PDE4B: variants seen among roughly 807,000 people sequenced by gnomAD.
The protein encoded by PDE4B is phosphodiesterase 4B, also known as 3',5'-cyclic-AMP phosphodiesterase 4B.
In PDE4B, 20 loss-of-function variants were observed where a neutral mutation model predicts 82.2. That is an observed-to-expected ratio of 0.24 (90% CI 0.17 to 0.35). PDE4B has a LOEUF of 0.35. Among genes scored for constraint, PDE4B ranks in the 10% least tolerant of loss-of-function variants. PDE4B has a pLI of 1.00. For synonymous variants in PDE4B, 320 were observed against 318.9 expected, an observed-to-expected ratio of 1.00 and a Z score of -0.04; for missense variants, 655 against 907.2, an observed-to-expected ratio of 0.72 and a Z score of 3.57.
chr1:66,189,499 T>A (rs1266433225), intron 3 of PDE4B, among the ~76,000 whole-genome samples: 1 of 152,244 alleles, frequency 6.6e-6, no homozygotes, highest in Non-Finnish European at 1.5e-5. Flanking sequence ...CCTTTTCACA[T>A]AGTCCCATAT....
chr1:65,924,395 T>A (rs907650939), intron 3 of PDE4B, among the ~76,000 whole-genome samples: 3 of 152,098 alleles, frequency 2.0e-5, no homozygotes, highest in Non-Finnish European at 4.4e-5. Flanking sequence ...TTTCAAACTA[T>A]GTCTCATTTG....
At chr1:66,346,831 C>T (rs1428203551) in intron 8 of PDE4B, among the ~76,000 whole-genome samples, 1 of 152,014 alleles carries the variant, frequency 6.6e-6, no homozygotes, top group Admixed American at 6.6e-5. Flanking sequence ...AGTACAAATC[C>T]TGTGGAAGAA....
At chr1:66,110,793 A>G (rs1046716064) in intron 3 of PDE4B, among the ~76,000 whole-genome samples, 1 of 152,084 alleles carries the variant, frequency 6.6e-6, no homozygotes, top group Non-Finnish European at 1.5e-5. Flanking sequence ...AATATCAGTT[A>G]TTTCTACTAC....
chr1:65,902,788 T>A (rs1407563232), intron 1 of PDE4B, among the ~76,000 whole-genome samples: 1 of 152,160 alleles, frequency 6.6e-6, no homozygotes, highest in Non-Finnish European at 1.5e-5. Flanking sequence ...TAAATAAGAT[T>A]TTGGTGGGTG....
intron 3 of PDE4B, among the ~76,000 whole-genome samples, chr1:66,067,733 T>A (rs546869287): frequency 3.0e-4 from 46 of 152,212 alleles, no homozygotes; most frequent in Non-Finnish European, 4.9e-4. Flanking sequence ...TTGCCATTGC[T>A]TTTGGTGTTT....
rs550795421 is a variant in PDE4B at position 66,133,627 on chromosome 1, C to G, written c.282-113833C>G. ...ATAAGAAGTCTGTTGTTTCTATCCT[C>G]ATAGCTTCTTTAGGTTTACTATAAC... On this transcript the variant is annotated intron_variant, in intron 3 of 16. Transcript: ENST00000341517. Among the ~76,000 whole-genome samples, 6 of 152,318 alleles carry G rather than the reference C, an allele frequency of 3.9e-5. No individual in the cohort carries two copies. In the South Asian group the frequency reaches 1.0e-3, roughly 26 times the overall value.
intron 8 of PDE4B, among the ~76,000 whole-genome samples, chr1:66,349,150 A>T (rs1344870929): frequency 6.6e-6 from 1 of 152,108 alleles, no homozygotes; most frequent in Non-Finnish European, 1.5e-5. Context: ...CTATATTCAA[A>T]TTTGTTTGAT....
intron 3 of PDE4B, among the ~76,000 whole-genome samples, chr1:66,147,730 TG>T (rs1251375075): frequency 6.6e-6 from 1 of 152,190 alleles, no homozygotes; most frequent in East Asian, 1.9e-4. Context: ...TTCTGCTTCT[TG>T]GAGCTCCACT....
At position 66,247,522 on chromosome 1, in the gene PDE4B, C is replaced by T. The variant is rs765065185; in HGVS notation, c.344C>T (p.Ser115Phe). The change falls in exon 4 of 17, where the codon TCC becomes TTC. Residue 115 changes from serine (S) to phenylalanine (F), a missense_variant. Coordinates refer to ENST00000341517, the MANE Select transcript of PDE4B (RefSeq NM_002600.4). ...RSPLDPQASS[S>F]AGLVLHATFP... ...CCACTGGATCCCCAGGCCAGCTCTTCCGCTGGGCTGGTACTTCACGCCACC... is the reference window on the plus strand; with the variant it reads ...CCACTGGATCCCCAGGCCAGCTCTTTCGCTGGGCTGGTACTTCACGCCACC... The T allele has an allele frequency of 6.2e-7, 1 of 1,611,926 alleles. No homozygotes were observed. Among genetic ancestry groups the T allele is most frequent in the South Asian group, 1.1e-5 (1 of 90,868 alleles).
chr1:65,913,533 A>G (rs1052729218), intron 2 of PDE4B, among the ~76,000 whole-genome samples, 177 bp downstream of exon 2: 16 of 152,172 alleles, frequency 1.1e-4, no homozygotes, highest in African/African-American at 3.1e-4. Context: ...AGCAGGAACA[A>G]TGCCCTCTTT....
intron 3 of PDE4B, among the ~76,000 whole-genome samples, chr1:66,026,188 C>A (rs1185518574): frequency 6.6e-6 from 1 of 152,162 alleles, no homozygotes; most frequent in Non-Finnish European, 1.5e-5. Context: ...AGTGTTTCCT[C>A]AAGAGGTTCA....
chr1:65,976,073 T>C (rs966028183), intron 3 of PDE4B, among the ~76,000 whole-genome samples: 1 of 152,152 alleles, frequency 6.6e-6, no homozygotes, highest in South Asian at 2.1e-4. Flanking sequence ...GCTTGCACCA[T>C]GTGCCTGGAA....
chr1:66,355,583 G>A lies in PDE4B; in HGVS notation c.804G>A (p.Gly268=), dbSNP rs751719874. 1.9e-6 allele frequency: 3 copies of A among 1,611,870 alleles called. No individual in the cohort carries two copies. Among genetic ancestry groups the A allele is most frequent in the East Asian group, 2.2e-5 (1 of 44,862 alleles). The change falls in exon 9 of 17, where the codon GGG becomes GGA. Residue 268 remains glycine (G), a synonymous_variant. Coordinates refer to ENST00000341517, the MANE Select transcript of PDE4B (RefSeq NM_002600.4). ...ACCTCTCAGAGATGAGCCGATCAGG[G>A]AACCAGGTGTCTGAATACATTTCAA... ...LTHLSEMSRS[G]NQVSEYISNT...
intron 1 of PDE4B, among the ~76,000 whole-genome samples, chr1:65,822,181 T>C (rs916928058): frequency 6.6e-6 from 1 of 152,184 alleles, no homozygotes; most frequent in Admixed American, 6.5e-5. Flanking sequence ...TTATTCTCTA[T>C]TATAGTTTTA....
At chr1:65,906,871 ATTAT>A (rs1218106690) in intron 1 of PDE4B, among the ~76,000 whole-genome samples, 1 of 152,138 alleles carries the variant, frequency 6.6e-6, no homozygotes, top group Non-Finnish European at 1.5e-5. Flanking sequence ...CCTTTTGATG[ATTAT>A]TTAAAAGGAT....
chr1:66,191,214 A>T (rs1045347211), intron 3 of PDE4B, among the ~76,000 whole-genome samples: 1 of 152,164 alleles, frequency 6.6e-6, no homozygotes. Context: ...TAAAACTTGT[A>T]TCTAGGACTC....
chr1:65,887,186 T>TTTTC (rs766627917), intron 1 of PDE4B, among the ~76,000 whole-genome samples: 1,183 of 60,078 alleles, frequency 0.02, 66 homozygotes, highest in Middle Eastern at 0.026. Context: ...CTCCCTCCCT[T>TTTTC]TTTCTTTCTT....
At chr1:66,070,079 T>C (rs1488335904) in intron 3 of PDE4B, among the ~76,000 whole-genome samples, 2 of 152,048 alleles carry the variant, frequency 1.3e-5, no homozygotes, top group African/African-American at 4.8e-5. Context: ...TTACACTTGT[T>C]ACTCTGAAAT....
intron 1 of PDE4B, among the ~76,000 whole-genome samples, chr1:65,904,044 T>G (rs1423203409): frequency 2.0e-5 from 3 of 152,222 alleles, no homozygotes; most frequent in Non-Finnish European, 4.4e-5. Context: ...AAATTTTGTG[T>G]GCTTGCTTGC....
Sources: gnomAD v4.1 joint callset for allele counts (sites outside exome capture counted in the v4.1 genomes callset) on GRCh38, gnomAD v4.1.1 for gene constraint, MANE v1.5 for transcripts, NCBI Gene and HGNC (gene_info 2026-07-23, HGNC 2026-07-21) for gene names.